P3H1: variants seen among roughly 807,000 people sequenced by gnomAD.
P3H1 encodes prolyl 3-hydroxylase 1.
Under a neutral mutation model 84.0 loss-of-function variants are expected in P3H1, and 69 were observed. The ratio of observed to expected loss-of-function variants is 0.82; its 90% CI spans 0.68 to 1.00. The LOEUF is 1.00. P3H1 is among the 50% of genes least tolerant of loss of function. The pLI is 0.00. For missense variants in P3H1, 878 were observed against 962.8 expected (o/e 0.91, Z 1.17); for synonymous variants, 366 against 388.8 (o/e 0.94, Z 0.69).
At chr1:42,761,488 T>C (rs1387101602) in intron 2 of P3H1, 2 of 152,252 alleles carry the variant, frequency 1.3e-5, no homozygotes, top group Non-Finnish European at 2.9e-5. Flanking sequence ...AGTGAATTAA[T>C]ATAGTCTCTG....
chr1:42,760,997 A>C (rs1652681791), intron 2 of P3H1: 1 of 42,834 alleles, frequency 2.3e-5, no homozygotes, highest in African/African-American at 8.5e-5. Context: ...TTTTTTTTTG[A>C]CTGTTGCTCT....
chr1:42,748,167 G>A, intron 12 of P3H1, 33 bp downstream of exon 12: 1 of 1,520,280 alleles, frequency 6.6e-7, no homozygotes. Context: ...GGAGGGCACA[G>A]ACCTCCTCAC....
At chr1:42,747,914 C>A (rs1651821656) in intron 12 of P3H1, 116 bp from the exon 13 acceptor site, 2 of 958,340 alleles carry the variant, frequency 2.1e-6, no homozygotes, top group Non-Finnish European at 1.7e-6. Context: ...GGGAGGGAAA[C>A]CTTTAAGAAC....
In P3H1 at chr1:42,746,554, G is replaced by C. The variant is rs540300827; in HGVS notation, c.*143C>G. 6.2e-5 allele frequency: 43 copies of C among 690,506 alleles called. No homozygotes were observed. Among genetic ancestry groups the C allele is most frequent in the South Asian group, 1.4e-4 (8 of 57,346 alleles). The allele number at this position is 690,506 out of a possible 1,614,324, so 42.8% of individuals were successfully genotyped here. On this transcript the variant is annotated 3_prime_UTR_variant, in exon 15 of 15. Coordinates refer to ENST00000296388, the MANE Select transcript of P3H1 (RefSeq NM_022356.4). ...TCCACTCCAAGAGCAGTAGCACCAT[G>C]TAGAAGGCTGTGAGCAGGGTCCCCT...
In P3H1 at chr1:42,755,221, A is replaced by G; in HGVS notation, c.1171-4T>C. Reference sequence around the variant, plus strand: ...CTTCTTCTGGAGTCCATGAATCCTAAGTAGGTCAGGAAGAAATGAAAAAGG... The same window carrying G: ...CTTCTTCTGGAGTCCATGAATCCTAGGTAGGTCAGGAAGAAATGAAAAAGG... On this transcript the variant is annotated splice_polypyrimidine_tract_variant and splice_region_variant and intron_variant, in intron 6 of 14. Coordinates refer to ENST00000296388, the MANE Select transcript of P3H1 (RefSeq NM_022356.4). The G allele has an allele frequency of 1.9e-6, 3 of 1,613,850 alleles. No individual in the cohort carries two copies. The South Asian group carries it at 3.3e-5, about 18-fold the overall frequency.
In P3H1 at chr1:42,747,431, G is replaced by A; in HGVS notation, c.1915-19C>T. 1.2e-6 allele frequency: 2 copies of A among 1,605,858 alleles called. No homozygotes were observed. The highest frequency in any genetic ancestry group is 1.7e-6 in the Non-Finnish European group (2 of 1,175,076). On this transcript the variant is annotated intron_variant, in intron 13 of 14. Coordinates refer to ENST00000296388, the MANE Select transcript of P3H1 (RefSeq NM_022356.4). ...CCTCTGCCTAAGGGGGACAGAAAGG[G>A]AGGGGGGTTGCACAGGACAAAGACT...
chr1:42,763,533 G>A lies in P3H1; in HGVS notation c.466-1058C>T, dbSNP rs1030445904. ...CTAAAAATACAAAAATTAGCTGGGC[G>A]TTGTGGCGCACACCCGTAATCCCAG... On this transcript the variant is annotated intron_variant, in intron 1 of 14. Transcript: ENST00000296388. Among the ~76,000 whole-genome samples the A allele has an allele frequency of 6.6e-5, 10 of 151,718 alleles. No individual in the cohort carries two copies. The South Asian group carries it at 1.9e-3, about 28-fold the overall frequency.
intron 5 of P3H1, among the ~76,000 whole-genome samples, chr1:42,757,115 CAA>C (rs1005703635): frequency 2.6e-5 from 4 of 152,096 alleles, no homozygotes; most frequent in African/African-American, 9.7e-5. Context: ...CCAAACAAGA[CAA>C]AAGAGACCGG....
chr1:42,755,302 G>T, intron 6 of P3H1, 85 bp from the exon 7 acceptor site: 2 of 1,309,368 alleles, frequency 1.5e-6, no homozygotes, highest in Non-Finnish European at 2.2e-6. Context: ...AGGCCCACAG[G>T]AGTAATCCAG....
Position 42,759,241 on chromosome 1 carries a change from G to C in P3H1, c.768C>G (p.Asn256Lys), listed in dbSNP as rs1371790135. 3 of 1,614,078 alleles carry C rather than the reference G, an allele frequency of 1.9e-6. No homozygotes were observed. The highest frequency in any genetic ancestry group is 1.7e-6 in the Non-Finnish European group (2 of 1,180,050). ...CEGPYDYDGY[N>K]YLEYNADLFQ... ...AGAGGTCAGCGTTGTACTCAAGGTA[G>C]TTGTAGCCATCGTAGTCATAGGGCC... The change falls in exon 3 of 15, where the codon AAC becomes AAG. Residue 256 changes from asparagine to lysine, a missense_variant. Coordinates refer to ENST00000296388, the MANE Select transcript of P3H1 (RefSeq NM_022356.4).
chr1:42,747,235 A>G (rs767824783), intron 14 of P3H1, 37 bp downstream of exon 14: 5 of 1,614,128 alleles, frequency 3.1e-6, no homozygotes, highest in Non-Finnish European at 4.2e-6. Flanking sequence ...GGGTCACCAC[A>G]GCACCAGCTG....
Position 42,754,477 on chromosome 1 carries a change from GACA to G in P3H1, c.1345+389_1345+391del, listed in dbSNP as rs1652277114. Among the ~76,000 whole-genome samples the G allele has an allele frequency of 1.3e-5, 2 of 152,228 alleles. No homozygotes were observed. The highest frequency in any genetic ancestry group is 4.8e-5 in the African/African-American group (2 of 41,536). The stretch of plus-strand genomic sequence containing the variant: ...GGATGAGTTAATACCTATGGAAGTG[GACA>G]ACACTAGTCACTCATGTTTCTGTGA... On this transcript the variant is annotated intron_variant, in intron 8 of 14. Transcript: ENST00000296388. This position sits in a 1 kb window ranked among gnomAD's most constrained non-coding sequence, Gnocchi z 4.0.
chr1:42,755,521 C>G, intron 6 of P3H1, 27 bp downstream of exon 6: 2 of 1,576,432 alleles, frequency 1.3e-6, no homozygotes, highest in Non-Finnish European at 1.7e-6. Context: ...TTCCCCGCTC[C>G]CTTCCGGCTC....
rs77991629 is a variant in P3H1, at chr1:42,749,887, T to C, written c.1720+299A>G. ...CCCTAACCCGGAGGCAGGTCCTCTA[T>C]GAATGGTTTAGCACCAGCTTCCCCA... On this transcript the variant is annotated intron_variant, in intron 11 of 14. Transcript: ENST00000296388. 6.5e-3 allele frequency: 2,813 copies of C among 431,808 alleles called. 73 individuals carry two copies. Among genetic ancestry groups the C allele is most frequent in the African/African-American group, 0.05 (2,524 of 50,180 alleles). 26.7% of individuals were successfully genotyped at this position (431,808 alleles called of 1,614,324 possible). A position where few individuals can be genotyped will look rare whatever the true frequency, so the allele number is the denominator to read the frequency against.
Position 42,754,776 on chromosome 1 carries a change from C to T in P3H1, c.1345+93G>A. The T allele has an allele frequency of 6.4e-7, 1 of 1,559,920 alleles. No homozygotes were observed. The highest frequency in any genetic ancestry group is 1.1e-5 in the South Asian group (1 of 89,070). On this transcript the variant is annotated intron_variant, in intron 8 of 14. Coordinates refer to ENST00000296388, the MANE Select transcript of P3H1 (RefSeq NM_022356.4). The surrounding 1 kb of genome is among the most constrained non-coding windows in gnomAD (Gnocchi z 4.0). ...GGTGGCTGGCTCATGGTGAGCTCTG[C>T]AATGCTGGGGTGGAGCGCTGCCTGG...
At chr1:42,757,180 T>C (rs1652445943) in intron 5 of P3H1, among the ~76,000 whole-genome samples, 1 of 152,082 alleles carries the variant, frequency 6.6e-6, no homozygotes, top group East Asian at 1.9e-4. Flanking sequence ...AGAGGACAAC[T>C]ACAATGACAA....
intron 8 of P3H1, among the ~76,000 whole-genome samples, chr1:42,753,940 A>G (rs1489630448): frequency 6.6e-6 from 1 of 151,732 alleles, no homozygotes; most frequent in Non-Finnish European, 1.5e-5. Flanking sequence ...AAAAAAAAAA[A>G]GAAAGGCTTT....
chr1:42,750,371 G>T, intron 10 of P3H1, 35 bp from the exon 11 acceptor site: 1 of 1,612,446 alleles, frequency 6.2e-7, no homozygotes, highest in South Asian at 1.1e-5. Context: ...TGCCCTCAAC[G>T]ACTGATATGG....
intron 10 of P3H1, among the ~76,000 whole-genome samples, chr1:42,750,698 G>A (rs1291423092): frequency 1.5e-5 from 2 of 131,738 alleles, no homozygotes; most frequent in Non-Finnish European, 3.3e-5. Context: ...AGGTGGGGGG[G>A]TCAGCCCCCC....
Sources: gnomAD v4.1 joint callset for allele counts (sites outside exome capture counted in the v4.1 genomes callset) on GRCh38, gnomAD v4.1.1 for gene constraint, Gnocchi (gnomAD v3.1) non-coding constraint, MANE v1.5 for transcripts, NCBI Gene and HGNC (gene_info 2026-07-23, HGNC 2026-07-21) for gene names.